The following SCUBE3 variants were observed in gnomAD, a reference collection of about 807,000 sequenced individuals.
SCUBE3 encodes signal peptide, CUB domain and EGF like domain containing 3, also known as signal peptide, CUB and EGF-like domain-containing protein 3.
In SCUBE3, 33 loss-of-function variants were observed where a neutral mutation model predicts 116.8. The ratio of observed to expected loss-of-function variants is 0.28; its 90% confidence interval spans 0.21 to 0.38. The LOEUF is 0.38. Among genes scored for constraint, SCUBE3 ranks in the 10% least tolerant of loss-of-function variants. The probability of loss-of-function intolerance (pLI) is 1.00; values close to 1 mark genes in which losing one functional copy is unlikely to be tolerated. For missense variants in SCUBE3, 1,007 were observed against 1,324.8 expected, an observed-to-expected ratio of 0.76 and a Z score of 3.72; for synonymous variants, 418 against 496.9, an observed-to-expected ratio of 0.84 and a Z score of 2.11.
In SCUBE3 at chr6:35,243,641, G is replaced by A. The variant is rs769334646; in HGVS notation, c.1957G>A (p.Val653Met). 1.9e-6 allele frequency: 3 copies of A among 1,614,160 alleles called. No individual in the cohort carries two copies. The highest frequency in any genetic ancestry group is 1.6e-4 in the Middle Eastern group (1 of 6,062). The stretch of plus-strand genomic sequence containing the variant: ...TTACCACGGCCAGACGGAGCAGTGT[G>A]TGCCATGCCCAGCGGGCACCTTCCA... ...TYYHGQTEQC[V>M]PCPAGTFQER... The change falls in exon 16 of 22, where the codon GTG (valine) becomes ATG (methionine). Residue 653 changes from valine to methionine, a missense_variant. By Grantham distance (21) the Val-to-Met change is conservative. This residue lies in a region of SCUBE3 where 544 missense variants were observed against 638.9 expected (regional missense o/e 0.85). Transcript: ENST00000274938. This position sits in a 1 kb window ranked among gnomAD's most constrained non-coding sequence, Gnocchi z 6.6.
Position 35,244,386 on chromosome 6 carries a change from T to C in SCUBE3, c.2239+256T>C, listed in dbSNP as rs1173796644. 6.6e-6 allele frequency among the ~76,000 whole-genome samples: 1 copy of C among 152,212 alleles called. No individual in the cohort carries two copies. The highest frequency in any genetic ancestry group is 1.9e-4 in the East Asian group (1 of 5,204). ...AGAACTGGTGGCATATTCTCCTCCA[T>C]ATCCCAAATGAGTTTCTATATAGGT... On this transcript the variant is annotated intron_variant, in intron 17 of 21. Transcript: ENST00000274938. This position sits in a 1 kb window ranked among gnomAD's most constrained non-coding sequence, Gnocchi z 4.3.
At chr6:35,242,354 C>G in intron 13 of SCUBE3, 34 bp downstream of exon 13, 3 of 1,434,466 alleles carry the variant, frequency 2.1e-6, no homozygotes, top group African/African-American at 1.4e-5. Context: ...AGTTGGCTGT[C>G]TGGCCACTAA....
chr6:35,227,533 AAGAGGTGCCAAC>A, intron 1 of SCUBE3, 35 bp from the exon 2 acceptor site: 3 of 1,612,380 alleles, frequency 1.9e-6, no homozygotes, highest in Non-Finnish European at 2.5e-6. Flanking sequence ...GACACCCCTT[AAGAGGTGCCAAC>A]AGAGGTTCTC....
chr6:35,226,428 A>G (rs73407660), intron 1 of SCUBE3, among the ~76,000 whole-genome samples: 7,080 of 149,746 alleles, frequency 0.047, 382 homozygotes, highest in African/African-American at 0.14. Context: ...ATTTCAGTTC[A>G]GATTTAAGGG....
chr6:35,243,300 G>A lies in SCUBE3; in HGVS notation c.1909+64G>A. ...CCCAGTTTGGGCCTGACTCAGAGCAGGACCCTTTGTGGCCTCAGATGCATT... is the reference window on the plus strand; with the variant it reads ...CCCAGTTTGGGCCTGACTCAGAGCAAGACCCTTTGTGGCCTCAGATGCATT... On this transcript the variant is annotated intron_variant, in intron 15 of 21. Coordinates refer to ENST00000274938, the MANE Select transcript of SCUBE3 (RefSeq NM_152753.4). This position sits in a 1 kb window ranked among gnomAD's most constrained non-coding sequence, Gnocchi z 6.6. The A allele has an allele frequency of 7.1e-7, 1 of 1,403,880 alleles. No individual in the cohort carries two copies. Among genetic ancestry groups the A allele is most frequent in the East Asian group, 2.3e-5 (1 of 43,544 alleles). 87.0% of individuals were successfully genotyped at this position (1,403,880 alleles called of 1,614,324 possible).
At position 35,244,173 on chromosome 6, in the gene SCUBE3, A is replaced by G. The variant is rs776546269; in HGVS notation, c.2239+43A>G. On this transcript the variant is annotated intron_variant, in intron 17 of 21. Coordinates refer to ENST00000274938, the MANE Select transcript of SCUBE3 (RefSeq NM_152753.4). This position sits in a 1 kb window ranked among gnomAD's most constrained non-coding sequence, Gnocchi z 4.3. ...CTCCCTGGGGGATGCCCCAACCCCAACTACTCCCAAAAAACTCTCCAATTT... is the reference window on the plus strand; with the variant it reads ...CTCCCTGGGGGATGCCCCAACCCCAGCTACTCCCAAAAAACTCTCCAATTT... 5.8e-5 allele frequency: 90 copies of G among 1,549,490 alleles called. No individual in the cohort carries two copies. The highest frequency in any genetic ancestry group is 5.8e-5 in the South Asian group (5 of 86,438).
Position 35,248,588 on chromosome 6 carries a change from G to A in SCUBE3, c.2865G>A (p.Val955=), listed in dbSNP as rs202227690. The part of the protein sequence containing the change: ...DKKLIKAFFE[V]LAHPQNYFKY... ...AGCTCATCAAGGCCTTCTTTGAGGT[G>A]CTAGCCCACCCCCAGAACTACTTCA... Residue 955 remains valine (V), a synonymous_variant, in exon 22 of 22, where the codon GTG becomes GTA. Coordinates refer to ENST00000274938, the MANE Select transcript of SCUBE3 (RefSeq NM_152753.4). 1 of 1,613,958 alleles carries A rather than the reference G, an allele frequency of 6.2e-7. No individual in the cohort carries two copies. Among genetic ancestry groups the A allele is most frequent in the Non-Finnish European group, 8.5e-7 (1 of 1,180,002 alleles).
rs1783655390 is a variant in SCUBE3 at position 35,233,951 on chromosome 6, C to T, written c.712+650C>T. 6.6e-6 allele frequency among the ~76,000 whole-genome samples: 1 copy of T among 152,270 alleles called. No homozygotes were observed. The highest frequency in any genetic ancestry group is 1.5e-5 in the Non-Finnish European group (1 of 68,022). ...CTCCCTCTCAGCTCCACCAGCAACC[C>T]TGTTTCTTCCTCACCAACTCCAGCC... On this transcript the variant is annotated intron_variant, in intron 6 of 21. Transcript: ENST00000274938. This position sits in a 1 kb window ranked among gnomAD's most constrained non-coding sequence, Gnocchi z 5.7.
rs1322137175 is a variant in SCUBE3, at chr6:35,241,212, T to C, written c.1141T>C (p.Cys381Arg). 2.5e-6 allele frequency: 4 copies of C among 1,605,556 alleles called. No homozygotes were observed. The highest frequency in any genetic ancestry group is 2.6e-6 in the Non-Finnish European group (3 of 1,173,000). The stretch of plus-strand genomic sequence containing the variant: ...CATCAACACTCCTGGCAGCTACCAG[T>C]GTACCTGCCCAGCAGGCCAGGGTCG... The part of the protein sequence containing the change: ...GCINTPGSYQ[C>R]TCPAGQGRLH... The change falls in exon 10 of 22, where the codon TGT becomes CGT. Residue 381 changes from cysteine to arginine, a missense_variant. Cys to Arg is a radical substitution (Grantham distance 180). Coordinates refer to ENST00000274938, the MANE Select transcript of SCUBE3 (RefSeq NM_152753.4). This position sits in a 1 kb window ranked among gnomAD's most constrained non-coding sequence, Gnocchi z 4.1.
At chr6:35,218,146 C>T (rs941794136) in intron 1 of SCUBE3, 14 of 985,006 alleles carry the variant, frequency 1.4e-5, no homozygotes, top group Admixed American at 6.2e-5. Flanking sequence ...GCATGAGAAC[C>T]GGTTTGAGAT....
chr6:35,245,537 A>G lies in SCUBE3; in HGVS notation c.2599+112A>G, dbSNP rs1034588013. The G allele has an allele frequency of 1.5e-5, 13 of 869,948 alleles. No homozygotes were observed. In the African/African-American group the frequency reaches 1.8e-4, roughly 12 times the overall value. The allele number at this position is 869,948 out of a possible 1,614,324, so 53.9% of individuals were successfully genotyped here. ...AATGGGGCAGTGAAGTTAGGGATCT[A>G]TGAGGGTGAAATAGTGAGAGGCCTT... On this transcript the variant is annotated intron_variant, in intron 19 of 21. Coordinates refer to ENST00000274938, the MANE Select transcript of SCUBE3 (RefSeq NM_152753.4). This position sits in a 1 kb window ranked among gnomAD's most constrained non-coding sequence, Gnocchi z 4.2.
At position 35,245,499 on chromosome 6, in the gene SCUBE3, T is replaced by G. The variant is rs1784296413; in HGVS notation, c.2599+74T>G. The G allele has an allele frequency of 7.9e-7, 1 of 1,261,506 alleles. No homozygotes were observed. 78.1% of individuals were successfully genotyped at this position (1,261,506 alleles called of 1,614,324 possible). ...TAAGGCGGAGAACAAAGAGAGAGACTGATACAGGAAGAAATGGGGCAGTGA... is the reference window on the plus strand; with the variant it reads ...TAAGGCGGAGAACAAAGAGAGAGACGGATACAGGAAGAAATGGGGCAGTGA... On this transcript the variant is annotated intron_variant, in intron 19 of 21. Transcript: ENST00000274938. The surrounding 1 kb of genome is among the most constrained non-coding windows in gnomAD (Gnocchi z 4.2).
At position 35,243,585 on chromosome 6, in the gene SCUBE3, C is replaced by A; in HGVS notation, c.1910-9C>A. ...GGGTGGGTGGCTAGCGCGGCCGACT[C>A]TCCCTCAGTCAGCTGCCCGCAGGGA... is the stretch of plus-strand genomic sequence containing the variant. On this transcript the variant is annotated splice_polypyrimidine_tract_variant and intron_variant, in intron 15 of 21. Coordinates refer to ENST00000274938, the MANE Select transcript of SCUBE3 (RefSeq NM_152753.4). The surrounding 1 kb of genome is among the most constrained non-coding windows in gnomAD (Gnocchi z 6.6). 1 of 1,598,486 alleles carries A rather than the reference C, an allele frequency of 6.3e-7. No homozygotes were observed. Among genetic ancestry groups the A allele is most frequent in the Non-Finnish European group, 8.5e-7 (1 of 1,169,690 alleles).
rs1784511985 is a variant in SCUBE3, at chr6:35,250,452, G to A, written c.*1747G>A. Reference sequence around the variant, plus strand: ...GTGGGAGCCAAGAATAAGACAGAAGGCATCAGATATTTGCCTGGCTCTGGT... The same window carrying A: ...GTGGGAGCCAAGAATAAGACAGAAGACATCAGATATTTGCCTGGCTCTGGT... On this transcript the variant is annotated 3_prime_UTR_variant, in exon 22 of 22. Transcript: ENST00000274938. 1 of 152,272 alleles carries A rather than the reference G, an allele frequency of 6.6e-6. No homozygotes were observed. Among genetic ancestry groups the A allele is most frequent in the South Asian group, 2.1e-4 (1 of 4,826 alleles). The allele number at this position is 152,272 out of a possible 1,614,324, so 9.4% of individuals were successfully genotyped here. A position where few individuals can be genotyped will look rare whatever the true frequency, so the allele number is the denominator to read the frequency against.
At chr6:35,242,150 C>T (rs1288193558) in intron 12 of SCUBE3, 54 bp from the exon 13 acceptor site, 3 of 1,328,300 alleles carry the variant, frequency 2.3e-6, no homozygotes, top group South Asian at 1.2e-5. Context: ...CCCTACGGCA[C>T]CCCCGACCTC....
At chr6:35,242,433 A>C (rs565330065) in intron 13 of SCUBE3, 113 bp downstream of exon 13, 92 of 939,738 alleles carry the variant, frequency 9.8e-5, no homozygotes, top group Non-Finnish European at 1.5e-4. Context: ...GGCAGAGCAG[A>C]GGAAAAAGCA....
chr6:35,236,129 CT>C (rs1052089324), intron 6 of SCUBE3, among the ~76,000 whole-genome samples: 1 of 152,188 alleles, frequency 6.6e-6, no homozygotes, highest in African/African-American at 2.4e-5. Flanking sequence ...GGTTGTAATG[CT>C]TGAGATAGTG....
At position 35,241,030 on chromosome 6, in the gene SCUBE3, C is replaced by G. The variant is rs372545135; in HGVS notation, c.1070-111C>G. The G allele has an allele frequency of 4.0e-6, 4 of 1,005,700 alleles. No individual in the cohort carries two copies. The South Asian group carries it at 6.5e-5, about 16-fold the overall frequency. 62.3% of individuals were successfully genotyped at this position (1,005,700 alleles called of 1,614,324 possible). A position where few individuals can be genotyped will look rare whatever the true frequency, so the allele number is the denominator to read the frequency against. Reference sequence around the variant, plus strand: ...AGATCTCTCGAACTTATTCATCTTGCGTAATGCAGGGTACCTGAAACTCTA... The same window carrying G: ...AGATCTCTCGAACTTATTCATCTTGGGTAATGCAGGGTACCTGAAACTCTA... On this transcript the variant is annotated intron_variant, in intron 9 of 21. Coordinates refer to ENST00000274938, the MANE Select transcript of SCUBE3 (RefSeq NM_152753.4). The surrounding 1 kb of genome is among the most constrained non-coding windows in gnomAD (Gnocchi z 4.1).
In SCUBE3 at chr6:35,243,750, G is replaced by T. The variant is rs760947054; in HGVS notation, c.2066G>T (p.Cys689Phe). The T allele has an allele frequency of 6.2e-7, 1 of 1,613,952 alleles. No homozygotes were observed. The highest frequency in any genetic ancestry group is 8.5e-7 in the Non-Finnish European group (1 of 1,179,872). The stretch of plus-strand genomic sequence containing the variant: ...CTTGGAGCCACCAACGTCACCACGT[G>T]TGCAGGTGCCAGGGGAACAAACAAT... ...GPLGATNVTT[C>F]AGQCPPGQHS... Residue 689 changes from cysteine (C) to phenylalanine (F), a missense_variant, in exon 16 of 22, where the codon TGT becomes TTT. Physicochemically the swap from Cys to Phe is radical, Grantham distance 205. Coordinates refer to ENST00000274938, the MANE Select transcript of SCUBE3 (RefSeq NM_152753.4). This position sits in a 1 kb window ranked among gnomAD's most constrained non-coding sequence, Gnocchi z 6.6.
Sources: gnomAD v4.1 joint callset for allele counts (sites outside exome capture counted in the v4.1 genomes callset) on GRCh38, gnomAD v4.1.1 for gene constraint, gnomAD v4.1.1 regional missense constraint, Gnocchi (gnomAD v3.1) non-coding constraint, MANE v1.5 for transcripts, NCBI Gene and HGNC (gene_info 2026-07-23, HGNC 2026-07-21) for gene names.